The following STAM2 variants were observed in gnomAD, a reference collection of about 807,000 sequenced individuals.
The protein encoded by STAM2 is signal transducing adaptor molecule 2.
STAM2 carries 51 observed loss-of-function variants against 65.6 expected under a neutral mutation model. The observed-to-expected ratio is 0.78, with a 90% CI of 0.62 to 0.98. The LOEUF is 0.98. STAM2 is among the 50% of genes least tolerant of loss of function. The probability of loss-of-function intolerance (pLI) is 0.00; values close to 1 mark genes in which losing one functional copy is unlikely to be tolerated. For synonymous variants in STAM2, 198 were observed against 208.4 expected (o/e 0.95, Z 0.43); for missense variants, 584 against 617.8 (o/e 0.95, Z 0.58).
At position 152,120,580 on chromosome 2, in the gene STAM2, G is replaced by A. The variant is rs369433659; in HGVS notation, c.1572C>T (p.Leu524=). 417 of 1,613,846 alleles carry A rather than the reference G, an allele frequency of 2.6e-4. 1 individual carries two copies. Among genetic ancestry groups the A allele is most frequent in the Middle Eastern group, 1.8e-3 (11 of 6,062 alleles). ...GAAAATGCTTGATTTGTTTCTAAAG[G>A]AGAGGCTGCTGATGGTAATTTGTGT... The part of the protein sequence containing the change: ...QQHTNYHQQP[L]L Residue 524 remains leucine (L), a synonymous_variant, in exon 14 of 14, where the codon CTC becomes CTT. Transcript: ENST00000263904.
intron 7 of STAM2, 138 bp downstream of exon 7, chr2:152,143,685 CCTAA>C (rs1228528923): frequency 2.4e-5 from 13 of 530,878 alleles, no homozygotes; most frequent in East Asian, 1.3e-4. Flanking sequence ...ACATTACATG[CCTAA>C]CTTTTATTTT....
At chr2:152,140,217 C>T (rs976641244) in intron 7 of STAM2, among the ~76,000 whole-genome samples, 6 of 152,078 alleles carry the variant, frequency 3.9e-5, no homozygotes, top group African/African-American at 1.2e-4. Flanking sequence ...AAATCTGACA[C>T]GGGTTTTGAA....
At chr2:152,133,756 TG>T (rs1689106447) in intron 8 of STAM2, among the ~76,000 whole-genome samples, 1 of 152,278 alleles carries the variant, frequency 6.6e-6, no homozygotes, top group Non-Finnish European at 1.5e-5. Flanking sequence ...CCTAACCTCT[TG>T]GAACTTAAAA....
chr2:152,133,115 T>C, intron 10 of STAM2, 58 bp downstream of exon 10: 1 of 918,400 alleles, frequency 1.1e-6, no homozygotes, highest in Non-Finnish European at 1.5e-6. Flanking sequence ...ACTGAAGACA[T>C]CATGAATAGC....
At chr2:152,122,873 C>A (rs943042706) in intron 13 of STAM2, among the ~76,000 whole-genome samples, 1 of 152,050 alleles carries the variant, frequency 6.6e-6, no homozygotes. Context: ...TGAGACCAGC[C>A]TGGGCAACAT....
At chr2:152,169,113 C>A (rs1241328564) in intron 1 of STAM2, among the ~76,000 whole-genome samples, 8 of 152,078 alleles carry the variant, frequency 5.3e-5, no homozygotes, top group Admixed American at 4.6e-4. Context: ...ACAAATATCA[C>A]TAAGTGAAAA....
rs1329486647 is a variant in STAM2 at position 152,118,734 on chromosome 2, GTAAA to G, written c.*1836_*1839del. The G allele has an allele frequency of 6.6e-6, 1 of 151,620 alleles. No individual in the cohort carries two copies. Among genetic ancestry groups the G allele is most frequent in the Admixed American group, 6.6e-5 (1 of 15,228 alleles). 9.4% of individuals were successfully genotyped at this position (151,620 alleles called of 1,614,324 possible). ...AATGTTTTTTAAAAATTATTATTTT[GTAAA>G]TAACAGAAGATTTGTTTCCAAAAAG... On this transcript the variant is annotated 3_prime_UTR_variant, in exon 14 of 14. Coordinates refer to ENST00000263904, the MANE Select transcript of STAM2 (RefSeq NM_005843.6).
At chr2:152,157,542 A>AGG (rs1689576717) in intron 1 of STAM2, among the ~76,000 whole-genome samples, 2 of 152,218 alleles carry the variant, frequency 1.3e-5, no homozygotes, top group Non-Finnish European at 2.9e-5. Flanking sequence ...CACAGCAATA[A>AGG]GGGGGCTGTA....
rs1689073794 is a variant in STAM2 at position 152,132,053 on chromosome 2, T to A, written c.1025+61A>T. 4 of 1,262,298 alleles carry A rather than the reference T, an allele frequency of 3.2e-6. No individual in the cohort carries two copies. The East Asian group carries it at 9.5e-5, about 30-fold the overall frequency. 78.2% of individuals were successfully genotyped at this position (1,262,298 alleles called of 1,614,324 possible). A position where few individuals can be genotyped will look rare whatever the true frequency, so the allele number is the denominator to read the frequency against. On this transcript the variant is annotated intron_variant, in intron 11 of 13. Coordinates refer to ENST00000263904, the MANE Select transcript of STAM2 (RefSeq NM_005843.6). The stretch of plus-strand genomic sequence containing the variant: ...CAAAAACTTTCCCTACTTTACTGTT[T>A]GCCAAAACACAAGTGAACCCCCCAA...
At chr2:152,128,218 T>TA (rs1443036615) in intron 11 of STAM2, among the ~76,000 whole-genome samples, 2 of 152,072 alleles carry the variant, frequency 1.3e-5, no homozygotes, top group African/African-American at 2.4e-5. Context: ...CCATCCTGGC[T>TA]AACACGGTGA....
intron 1 of STAM2, among the ~76,000 whole-genome samples, chr2:152,150,884 T>G (rs937723696): frequency 6.6e-6 from 1 of 152,190 alleles, no homozygotes; most frequent in African/African-American, 2.4e-5. Flanking sequence ...GTAAATTTTT[T>G]TAATAGATAA....
chr2:152,156,809 A>T (rs959157505), intron 1 of STAM2, among the ~76,000 whole-genome samples: 27 of 152,172 alleles, frequency 1.8e-4, no homozygotes, highest in Non-Finnish European at 3.8e-4. Context: ...TACATAAAAT[A>T]AGAATGCTGC....
chr2:152,151,737 G>A (rs189396505), intron 1 of STAM2, among the ~76,000 whole-genome samples: 20 of 152,130 alleles, frequency 1.3e-4, no homozygotes, highest in South Asian at 1.0e-3. Flanking sequence ...TACCTATTCC[G>A]GATTTTTCAT....
At chr2:152,131,035 T>C (rs1479992562) in intron 11 of STAM2, among the ~76,000 whole-genome samples, 4 of 149,028 alleles carry the variant, frequency 2.7e-5, no homozygotes, top group African/African-American at 9.9e-5. Flanking sequence ...CAAAACTATG[T>C]AGGATAAAAT....
rs1001435340 is a variant in STAM2, at chr2:152,119,029, A to C, written c.*1545T>G. On this transcript the variant is annotated 3_prime_UTR_variant, in exon 14 of 14. Transcript: ENST00000263904. ...TCAAATTTCTGTAGATAAATGGCAA[A>C]ATTTTCAGAGAACTAGCTTGAAATG... is the stretch of plus-strand genomic sequence containing the variant. 6.6e-6 allele frequency: 1 copy of C among 152,162 alleles called. No individual in the cohort carries two copies. Among genetic ancestry groups the C allele is most frequent in the African/African-American group, 2.4e-5 (1 of 41,446 alleles). 9.4% of individuals were successfully genotyped at this position (152,162 alleles called of 1,614,324 possible).
intron 11 of STAM2, among the ~76,000 whole-genome samples, chr2:152,130,784 G>A (rs1430631845): frequency 6.6e-6 from 1 of 151,516 alleles, no homozygotes; most frequent in Non-Finnish European, 1.5e-5. Flanking sequence ...GGATCACGAG[G>A]TCAGGAGTTC....
At chr2:152,151,953 T>C (rs569232246) in intron 1 of STAM2, among the ~76,000 whole-genome samples, 1 of 152,326 alleles carries the variant, frequency 6.6e-6, no homozygotes, top group South Asian at 2.1e-4. Context: ...GTTGGTTGGC[T>C]TACTGAGACA....
At chr2:152,135,423 C>T in intron 8 of STAM2, 86 bp downstream of exon 8, 1 of 925,458 alleles carries the variant, frequency 1.1e-6, no homozygotes, top group Non-Finnish European at 1.7e-6. Flanking sequence ...AGTTAAATGC[C>T]AATCTACTTT....
At chr2:152,148,146 T>C (rs765527926) in intron 3 of STAM2, 24 bp from the exon 4 acceptor site, 9 of 1,589,900 alleles carry the variant, frequency 5.7e-6, no homozygotes, top group African/African-American at 1.4e-5. Context: ...TAAAAATATA[T>C]GAATATTGAA....
Sources: allele counts gnomAD v4.1 joint callset (sites outside exome capture counted in the v4.1 genomes callset), GRCh38; gene constraint gnomAD v4.1.1; transcripts MANE v1.5; gene names NCBI Gene and HGNC (gene_info 2026-07-23, HGNC 2026-07-21).